Variants in TRPM8 observed in about 807,000 individuals in gnomAD.
TRPM8 encodes TRPM8 cationic channel.
A neutral mutation model predicts 133.7 loss-of-function variants in TRPM8; 110 were observed. That is an observed-to-expected ratio of 0.82 (90% confidence interval 0.70 to 0.96). The LOEUF is 0.96. Ranked by LOEUF, TRPM8 falls within the 40% of genes least tolerant of loss-of-function variation. TRPM8 has a pLI of 0.00. For synonymous variants in TRPM8, 535 were observed against 532.3 expected, an observed-to-expected ratio of 1.01 and a Z score of -0.07; for missense variants, 1,291 against 1,379.5, an observed-to-expected ratio of 0.94 and a Z score of 1.02.
intron 22 of TRPM8, 80 bp from the exon 23 acceptor site, chr2:234,006,773 A>C (rs1692703861): frequency 3.7e-6 from 4 of 1,074,756 alleles, no homozygotes; most frequent in Non-Finnish European, 4.2e-6. Flanking sequence ...GAGTCTCACA[A>C]AATGCCTTAG....
At chr2:233,927,942 C>T (rs561845709) in intron 2 of TRPM8, among the ~76,000 whole-genome samples, 910 of 73,498 alleles carry the variant, frequency 0.012, 188 homozygotes, top group African/African-American at 0.084. Flanking sequence ...CTCTCTCTCT[C>T]TCTCTCTCTC....
chr2:233,975,821 G>T (rs1475903469), intron 17 of TRPM8, among the ~76,000 whole-genome samples: 2 of 152,226 alleles, frequency 1.3e-5, no homozygotes. Context: ...GGCAGAGGTT[G>T]CAGTGAGCTG....
In TRPM8 at chr2:233,927,781, T is replaced by C. The variant is rs1345896179; in HGVS notation, c.117+1127T>C. On this transcript the variant is annotated intron_variant, in intron 2 of 25. Coordinates refer to ENST00000324695, the MANE Select transcript of TRPM8 (RefSeq NM_024080.5). ...TTCTTTCTTTCTTTCTTTCTTTCTT[T>C]CTTTCTTTCTTTTCTTTCCTTCCTT... is the stretch of plus-strand genomic sequence containing the variant. Among the ~76,000 whole-genome samples, 381 of 51,864 alleles carry C rather than the reference T, an allele frequency of 7.3e-3. 27 individuals are homozygous for C. Among genetic ancestry groups the C allele is most frequent in the African/African-American group, 0.037 (124 of 3,324 alleles). The allele number at this position is 51,864 out of a possible 152,430, so 34.0% of individuals were successfully genotyped here. A position where few individuals can be genotyped will look rare whatever the true frequency, so the allele number is the denominator to read the frequency against.
intron 8 of TRPM8, chr2:233,947,360 G>A: frequency 6.5e-7 from 1 of 1,533,260 alleles, no homozygotes; most frequent in South Asian, 1.2e-5. Context: ...TCAGTGACAT[G>A]AATAACCTGT....
intron 22 of TRPM8, among the ~76,000 whole-genome samples, chr2:234,004,213 T>C (rs976279714): frequency 5.9e-5 from 9 of 152,170 alleles, no homozygotes; most frequent in Admixed American, 5.2e-4. Context: ...CCTCTTCAGA[T>C]AGTTTATATT....
chr2:233,936,854 A>G (rs1024197150), intron 3 of TRPM8, among the ~76,000 whole-genome samples: 8 of 151,058 alleles, frequency 5.3e-5, no homozygotes, highest in African/African-American at 1.9e-4. Flanking sequence ...AATAAACACC[A>G]GGGATAAAAC....
At position 233,960,826 on chromosome 2, in the gene TRPM8, C is replaced by G; in HGVS notation, c.1413C>G (p.Pro471=). ...TTACGGCTCTCATAAAGGACAGACC[C>G]AAGTTTGTCCGCCTCTTTCTGGAGA... ...VMFTALIKDR[P]KFVRLFLENG... Residue 471 remains proline, a synonymous_variant, in exon 12 of 26, where the codon CCC becomes CCG. Coordinates refer to ENST00000324695, the MANE Select transcript of TRPM8 (RefSeq NM_024080.5). The G allele has an allele frequency of 6.2e-7, 1 of 1,614,064 alleles. No individual in the cohort carries two copies. The highest frequency in any genetic ancestry group is 8.5e-7 in the Non-Finnish European group (1 of 1,179,964).
chr2:233,983,870 G>A (rs1047196915), intron 20 of TRPM8, among the ~76,000 whole-genome samples: 3 of 152,130 alleles, frequency 2.0e-5, no homozygotes, highest in African/African-American at 7.2e-5. Context: ...TGCTCCTCCT[G>A]GTCACAGTTC....
chr2:234,008,611 C>T (rs560860492), intron 24 of TRPM8, among the ~76,000 whole-genome samples: 3 of 152,268 alleles, frequency 2.0e-5, no homozygotes, highest in South Asian at 4.1e-4. Flanking sequence ...ACAATCGATT[C>T]GTATATGCTA....
rs534725799 is a variant in TRPM8, at chr2:234,017,599, A to G, written c.*343A>G. On this transcript the variant is annotated 3_prime_UTR_variant, in exon 26 of 26. Coordinates refer to ENST00000324695, the MANE Select transcript of TRPM8 (RefSeq NM_024080.5). ...TTAATCTTATTTTTGATGAACACATATATAGGAGAACATCTATCCTATGAA... is the reference window on the plus strand; with the variant it reads ...TTAATCTTATTTTTGATGAACACATGTATAGGAGAACATCTATCCTATGAA... 39 of 265,724 alleles carry G rather than the reference A, an allele frequency of 1.5e-4. 1 individual carries two copies. The South Asian group carries it at 1.5e-3, about 10-fold the overall frequency. 16.5% of individuals were successfully genotyped at this position (265,724 alleles called of 1,614,324 possible).
chr2:233,945,760 C>A (rs1320593716), intron 6 of TRPM8, 96 bp from the exon 7 acceptor site: 25 of 1,167,672 alleles, frequency 2.1e-5, no homozygotes, highest in Non-Finnish European at 2.8e-5. Context: ...TGTGATTGAA[C>A]CCAAAGTATT....
At chr2:234,009,202 G>A (rs1177595835) in intron 24 of TRPM8, among the ~76,000 whole-genome samples, 1 of 152,256 alleles carries the variant, frequency 6.6e-6, no homozygotes, top group Admixed American at 6.5e-5. Flanking sequence ...AATGGTTGTG[G>A]AGGAGAGGCT....
At chr2:233,921,746 G>A (rs527524870) in intron 1 of TRPM8, among the ~76,000 whole-genome samples, 10 of 133,500 alleles carry the variant, frequency 7.5e-5, no homozygotes, top group African/African-American at 3.0e-4. Context: ...GCGTGATCTC[G>A]GATCACTGCA....
intron 7 of TRPM8, 177 bp downstream of exon 7, chr2:233,946,207 C>T (rs1691040278): frequency 1.6e-6 from 1 of 627,950 alleles, no homozygotes; most frequent in Non-Finnish European, 2.7e-6. Flanking sequence ...AATGCTTCTG[C>T]CAGGGTCAAT....
intron 6 of TRPM8, 93 bp from the exon 7 acceptor site, chr2:233,945,763 A>G (rs1691025462): frequency 1.6e-6 from 2 of 1,213,360 alleles, no homozygotes; most frequent in African/African-American, 1.5e-5. Flanking sequence ...GATTGAACCC[A>G]AAGTATTAGC....
intron 15 of TRPM8, among the ~76,000 whole-genome samples, chr2:233,968,499 C>G (rs1050317651): frequency 3.9e-5 from 6 of 152,174 alleles, no homozygotes; most frequent in African/African-American, 1.4e-4. Context: ...TTGTGGAAAG[C>G]TGACACCTTA....
chr2:233,963,465 T>C, intron 13 of TRPM8, 88 bp downstream of exon 13: 1 of 717,674 alleles, frequency 1.4e-6, no homozygotes. Context: ...ATGCCTAATA[T>C]AAAACATCAT....
chr2:233,991,663 A>T (rs1224652622), intron 21 of TRPM8, among the ~76,000 whole-genome samples: 3 of 152,092 alleles, frequency 2.0e-5, no homozygotes, highest in African/African-American at 7.2e-5. Flanking sequence ...TTCCTTGTGA[A>T]TTTTTTGCAG....
At position 233,927,770 on chromosome 2, in the gene TRPM8, CTTTCTTTCTTTCTTTCTTTCTTTT is replaced by C. The variant is rs1691560903; in HGVS notation, c.117+1117_117+1140del. ...TCTTTCTTTCTTTCTTTCTTTCTTTCTTTCTTTCTTTCTTTCTTTCTTTTCTTTCCTTCCTTCCTTCCTTCCTTC... is the reference window on the plus strand; with the variant it reads ...TCTTTCTTTCTTTCTTTCTTTCTTTCCTTTCCTTCCTTCCTTCCTTCCTTC... On this transcript the variant is annotated intron_variant, in intron 2 of 25. Transcript: ENST00000324695. Among the ~76,000 whole-genome samples, 3 of 65,506 alleles carry C rather than the reference CTTTCTTTCTTTCTTTCTTTCTTTT, an allele frequency of 4.6e-5. No homozygotes were observed. In the African/African-American group the frequency reaches 5.4e-4, roughly 12 times the overall value. The allele number at this position is 65,506 out of a possible 152,430, so 43.0% of individuals were successfully genotyped here. A position where few individuals can be genotyped will look rare whatever the true frequency, so the allele number is the denominator to read the frequency against.
Sources: gnomAD v4.1 joint callset for allele counts (sites outside exome capture counted in the v4.1 genomes callset) on GRCh38, gnomAD v4.1.1 for gene constraint, MANE v1.5 for transcripts, NCBI Gene and HGNC (gene_info 2026-07-23, HGNC 2026-07-21) for gene names.